EML1: variants seen among roughly 807,000 people sequenced by gnomAD.
EML1 encodes EMAP like 1.
Under a neutral mutation model 110.4 loss-of-function variants are expected in EML1, and 27 were observed. That is an observed-to-expected ratio of 0.24 (90% CI 0.18 to 0.34). The LOEUF is 0.34. Among genes scored for constraint, EML1 ranks in the 10% least tolerant of loss-of-function variants. The pLI is 1.00. For synonymous variants in EML1, 344 were observed against 385.8 expected, an observed-to-expected ratio of 0.89 and a Z score of 1.27; for missense variants, 741 against 1,030.9, an observed-to-expected ratio of 0.72 and a Z score of 3.85.
chr14:99,797,550 G>T (rs1369791334), intron 1 of EML1, among the ~76,000 whole-genome samples: 1 of 152,136 alleles, frequency 6.6e-6, no homozygotes, highest in Non-Finnish European at 1.5e-5. Flanking sequence ...TAAATATTAA[G>T]CTTGTTTTAT....
chr14:99,753,371 G>A (rs545723379), intron 1 of EML1, among the ~76,000 whole-genome samples: 26 of 151,902 alleles, frequency 1.7e-4, no homozygotes, highest in Admixed American at 1.6e-3. Flanking sequence ...TCCCTGGGGG[G>A]TCAAGCGGAT....
intron 2 of EML1, among the ~76,000 whole-genome samples, chr14:99,853,606 T>TA (rs1427144222): frequency 1.3e-5 from 2 of 152,214 alleles, no homozygotes; most frequent in Non-Finnish European, 2.9e-5. Context: ...GCCACACAAT[T>TA]ATCACTTCAT....
At chr14:99,739,082 G>A (rs1449432652) in intron 1 of EML1, among the ~76,000 whole-genome samples, 4 of 124,746 alleles carry the variant, frequency 3.2e-5, no homozygotes, top group African/African-American at 1.2e-4. Flanking sequence ...GTGTGTGTGT[G>A]TGTGTGTGTG....
At chr14:99,802,908 C>T (rs1222479451) in intron 1 of EML1, among the ~76,000 whole-genome samples, 1 of 152,110 alleles carries the variant, frequency 6.6e-6, no homozygotes, top group African/African-American at 2.4e-5. Flanking sequence ...TGTTTAAAAG[C>T]TGACAGCAGC....
At chr14:99,917,509 A>G (rs1420627058) in intron 15 of EML1, among the ~76,000 whole-genome samples, 1 of 152,196 alleles carries the variant, frequency 6.6e-6, no homozygotes, top group African/African-American at 2.4e-5. Context: ...GCAATAAGTC[A>G]TGATCATGCC....
At chr14:99,912,965 G>A (rs543789606) in intron 13 of EML1, among the ~76,000 whole-genome samples, 11 of 152,320 alleles carry the variant, frequency 7.2e-5, no homozygotes, top group African/African-American at 1.9e-4. Flanking sequence ...AACAGCAACC[G>A]CCAGGGTCAA....
chr14:99,761,649 GC>G (rs2140187770), intron 1 of EML1, among the ~76,000 whole-genome samples: 1 of 152,036 alleles, frequency 6.6e-6, no homozygotes, highest in Non-Finnish European at 1.5e-5. Context: ...ATGAGGCTGG[GC>G]ACAGTGGCTC....
intron 1 of EML1, among the ~76,000 whole-genome samples, chr14:99,741,188 G>T (rs1387661667): frequency 6.6e-6 from 1 of 152,172 alleles, no homozygotes; most frequent in Non-Finnish European, 1.5e-5. Context: ...GCTGCAGCAG[G>T]TATGGTAAGG....
intron 1 of EML1, among the ~76,000 whole-genome samples, chr14:99,824,435 A>G (rs902849368): frequency 6.6e-6 from 1 of 152,038 alleles, no homozygotes; most frequent in South Asian, 2.1e-4. Flanking sequence ...ATGTACACAC[A>G]TATGTATGTC....
intron 6 of EML1, among the ~76,000 whole-genome samples, chr14:99,896,739 G>GC (rs1427938585): frequency 3.0e-5 from 3 of 101,652 alleles, no homozygotes; most frequent in African/African-American, 1.4e-4. Flanking sequence ...TGAGGGGCCT[G>GC]ATTTTTTTTT....
In EML1 at chr14:99,886,147, TC is replaced by T. The variant is rs1226911342; in HGVS notation, c.519-5050del. 13 of 237,110 alleles carry T rather than the reference TC, an allele frequency of 5.5e-5. No homozygotes were observed. The East Asian group carries it at 1.2e-3, about 22-fold the overall frequency. The allele number at this position is 237,110 out of a possible 1,614,324, so 14.7% of individuals were successfully genotyped here. ...ATTTCCATGGTGGAGTATTCTGACTTCCAGCAGGAACTTTATTTCATCACGT... is the reference window on the plus strand; with the variant it reads ...ATTTCCATGGTGGAGTATTCTGACTTCAGCAGGAACTTTATTTCATCACGT... On this transcript the variant is annotated intron_variant, in intron 4 of 21. Transcript: ENST00000262233.
chr14:99,780,907 G>A (rs1595271818), intron 1 of EML1, among the ~76,000 whole-genome samples: 1 of 152,128 alleles, frequency 6.6e-6, no homozygotes, highest in East Asian at 1.9e-4. Flanking sequence ...CTCGCACAAT[G>A]ATGAAATTGC....
chr14:99,739,049 C>A (rs1448354616), intron 1 of EML1, among the ~76,000 whole-genome samples: 4 of 133,964 alleles, frequency 3.0e-5, no homozygotes, highest in African/African-American at 1.1e-4. Flanking sequence ...TGGAACAGAG[C>A]AAGTGAGAGT....
chr14:99,939,356 AT>A lies in EML1; in HGVS notation c.2322+30del. The A allele has an allele frequency of 6.2e-7, 1 of 1,613,752 alleles. No homozygotes were observed. The highest frequency in any genetic ancestry group is 8.5e-7 in the Non-Finnish European group (1 of 1,179,812). On this transcript the variant is annotated intron_variant, in intron 21 of 21. Transcript: ENST00000262233. The surrounding 1 kb of genome is among the most constrained non-coding windows in gnomAD (Gnocchi z 4.2). ...AAGGACTTGTTTCTTCACTAATCTT[AT>A]CCCCCATGGGGCATGCACGTACACC...
intron 3 of EML1, among the ~76,000 whole-genome samples, chr14:99,874,159 A>G (rs552047356): frequency 9.8e-5 from 15 of 152,362 alleles, no homozygotes; most frequent in African/African-American, 3.6e-4. Context: ...GAAGAAAGAC[A>G]TCTGTTTTTC....
At chr14:99,908,462 A>T (rs2059893020) in intron 10 of EML1, among the ~76,000 whole-genome samples, 1 of 152,200 alleles carries the variant, frequency 6.6e-6, no homozygotes, top group South Asian at 2.1e-4. Context: ...TGCGAGGCAG[A>T]CCTTGTATTC....
At chr14:99,752,896 G>A (rs1045153693) in intron 1 of EML1, among the ~76,000 whole-genome samples, 6 of 152,064 alleles carry the variant, frequency 3.9e-5, no homozygotes, top group South Asian at 2.1e-4. Context: ...GGAAACAAAC[G>A]CTACACTGTA....
chr14:99,862,428 G>A (rs982269475), intron 2 of EML1, among the ~76,000 whole-genome samples: 2 of 152,126 alleles, frequency 1.3e-5, no homozygotes, highest in East Asian at 1.9e-4. Context: ...TTAAGGAGTG[G>A]CAGATTATAT....
intron 2 of EML1, among the ~76,000 whole-genome samples, chr14:99,860,193 A>C (rs1328629373): frequency 1.3e-5 from 2 of 152,086 alleles, no homozygotes; most frequent in Non-Finnish European, 2.9e-5. Context: ...AGCGTTTCTC[A>C]GGCTCCTTTC....
Sources: allele counts gnomAD v4.1 joint callset (sites outside exome capture counted in the v4.1 genomes callset), GRCh38; gene constraint gnomAD v4.1.1; non-coding constraint Gnocchi (gnomAD v3.1); transcripts MANE v1.5; gene names NCBI Gene and HGNC (gene_info 2026-07-23, HGNC 2026-07-21).